The following COL28A1 variants were observed in gnomAD, a reference collection of about 807,000 sequenced individuals.
The protein encoded by COL28A1 is collagen alpha-1(XXVIII) chain.
Under a neutral mutation model 150.2 loss-of-function variants are expected in COL28A1, and 161 were observed. The observed-to-expected ratio is 1.07, with a 90% CI of 0.94 to 1.22. The LOEUF (loss-of-function observed/expected upper bound fraction) is 1.22. COL28A1 is among the 50% of genes most tolerant of loss of function. The probability of loss-of-function intolerance (pLI) is 0.00; values close to 1 mark genes in which losing one functional copy is unlikely to be tolerated. For synonymous variants in COL28A1, 552 were observed against 469.7 expected (o/e 1.18, Z -2.26); for missense variants, 1,617 against 1,388.3 (o/e 1.16, Z -2.62).
At chr7:7,447,122 C>A (rs559411565) in intron 18 of COL28A1, among the ~76,000 whole-genome samples, 2 of 152,220 alleles carry the variant, frequency 1.3e-5, no homozygotes, top group Admixed American at 1.3e-4. Flanking sequence ...AAAAAATTAA[C>A]CCTAGACTAA....
chr7:7,511,239 A>G (rs1781117829), intron 8 of COL28A1, 104 bp from the exon 9 acceptor site: 2 of 877,942 alleles, frequency 2.3e-6, no homozygotes. Context: ...CTCTTGTAAC[A>G]TAAGCACTCT....
intron 11 of COL28A1, among the ~76,000 whole-genome samples, chr7:7,491,080 T>G (rs957394334): frequency 1.1e-4 from 16 of 152,180 alleles, no homozygotes; most frequent in African/African-American, 3.9e-4. Flanking sequence ...AATCTTTAAG[T>G]GCTCTGGAAG....
At chr7:7,401,457 A>C (rs536763263) in intron 27 of COL28A1, among the ~76,000 whole-genome samples, 152 of 152,296 alleles carry the variant, frequency 1.0e-3, no homozygotes, top group Non-Finnish European at 1.9e-3. Context: ...GTACATGCCC[A>C]AGTCTGAATT....
chr7:7,519,294 A>C (rs775146977), intron 6 of COL28A1, among the ~76,000 whole-genome samples: 1 of 152,186 alleles, frequency 6.6e-6, no homozygotes, highest in African/African-American at 2.4e-5. Context: ...CAGCATGGGA[A>C]AGACCCGCCC....
At chr7:7,423,581 C>T (rs1007978097) in intron 25 of COL28A1, among the ~76,000 whole-genome samples, 2 of 151,546 alleles carry the variant, frequency 1.3e-5, no homozygotes, top group South Asian at 2.1e-4. Context: ...CATAGGGATA[C>T]GGAGAGAAGG....
At chr7:7,379,300 C>T (rs1781735230) in intron 30 of COL28A1, among the ~76,000 whole-genome samples, 1 of 152,178 alleles carries the variant, frequency 6.6e-6, no homozygotes, top group African/African-American at 2.4e-5. Flanking sequence ...TTCCTTCACT[C>T]TTCTCGTCTT....
chr7:7,401,438 G>C (rs1239767120), intron 27 of COL28A1, among the ~76,000 whole-genome samples: 1 of 152,040 alleles, frequency 6.6e-6, no homozygotes, highest in African/African-American at 2.4e-5. Context: ...TCCATTTAAA[G>C]ATTTAGCTGT....
Position 7,456,099 on chromosome 7 carries a change from G to C in COL28A1, c.1316C>G (p.Pro439Arg). The change falls in exon 16 of 35, where the codon CCT (proline) becomes CGT (arginine). Residue 439 changes from proline (P) to arginine (R), a missense_variant. By Grantham distance (103) the Pro-to-Arg change is moderately radical. Transcript: ENST00000399429. ...SIKGEKGDIGPVGPQGPMGIP... is the reference protein window; with the variant it reads ...SIKGEKGDIGRVGPQGPMGIP... ...ACCCATTGGTCCTTGGGGTCCCACA[G>C]GTCCTATATCCCCCTGCACAGAAAA... 1 of 1,613,610 alleles carries C rather than the reference G, an allele frequency of 6.2e-7. No individual in the cohort carries two copies. Among genetic ancestry groups the C allele is most frequent in the Non-Finnish European group, 8.5e-7 (1 of 1,179,790 alleles).
intron 33 of COL28A1, among the ~76,000 whole-genome samples, chr7:7,363,420 A>T (rs1562465922): frequency 6.6e-6 from 1 of 152,244 alleles, no homozygotes; most frequent in African/African-American, 2.4e-5. Flanking sequence ...TAACTTTAAT[A>T]AATGAAAATA....
At chr7:7,495,559 G>A (rs990743639) in intron 11 of COL28A1, among the ~76,000 whole-genome samples, 10 of 152,128 alleles carry the variant, frequency 6.6e-5, no homozygotes, top group African/African-American at 2.4e-4. Context: ...CCTCAGGGAA[G>A]GGCACCAGAA....
At chr7:7,360,311 ATC>A (rs1780577359) in intron 34 of COL28A1, 77 bp downstream of exon 34, 1 of 1,362,688 alleles carries the variant, frequency 7.3e-7, no homozygotes, top group Non-Finnish European at 9.7e-7. Context: ...AGATTGGCAG[ATC>A]TCTCTTTCCT....
chr7:7,370,403 A>G (rs993905733), intron 33 of COL28A1, among the ~76,000 whole-genome samples: 4 of 152,202 alleles, frequency 2.6e-5, no homozygotes, highest in Non-Finnish European at 5.9e-5. Flanking sequence ...CAGCATGGCA[A>G]CTAGGTGAAT....
chr7:7,519,598 C>T (rs564835027), intron 6 of COL28A1, among the ~76,000 whole-genome samples: 1 of 152,060 alleles, frequency 6.6e-6, no homozygotes, highest in African/African-American at 2.4e-5. Context: ...TTGATAGGTA[C>T]ACAGAGAAAA....
At chr7:7,410,643 T>C (rs945253694) in intron 27 of COL28A1, among the ~76,000 whole-genome samples, 6 of 129,744 alleles carry the variant, frequency 4.6e-5, no homozygotes, top group African/African-American at 1.8e-4. Flanking sequence ...TTTGTCTTCC[T>C]TTTTTTTTTT....
chr7:7,492,351 A>C (rs1218910080), intron 11 of COL28A1, among the ~76,000 whole-genome samples: 1 of 151,724 alleles, frequency 6.6e-6, no homozygotes, highest in Non-Finnish European at 1.5e-5. Flanking sequence ...AGGCAGGTGA[A>C]TCACTTGAGG....
chr7:7,479,042 G>A (rs1199981641), intron 13 of COL28A1, among the ~76,000 whole-genome samples: 1 of 152,230 alleles, frequency 6.6e-6, no homozygotes, highest in Non-Finnish European at 1.5e-5. Context: ...TGGGCACCGA[G>A]GCTGAGGAGG....
At position 7,531,807 on chromosome 7, in the gene COL28A1, C is replaced by G. The variant is rs1193913575; in HGVS notation, c.222G>C (p.Leu74Phe). 6.2e-7 allele frequency: 1 copy of G among 1,603,044 alleles called. No individual in the cohort carries two copies. The highest frequency in any genetic ancestry group is 8.5e-7 in the Non-Finnish European group (1 of 1,170,000). Residue 74 changes from leucine to phenylalanine, a missense_variant, in exon 3 of 35, where the codon TTG becomes TTC. Transcript: ENST00000399429. ...FDKQKDFVDS[L>F]SDKIFQLTPG... ...GAGTCAATTGGAAAATCTTGTCACT[C>G]AAGCTATCCACAAAATCTTTCTGTT... is the stretch of plus-strand genomic sequence containing the variant.
At chr7:7,466,414 T>A (rs1428302979) in intron 15 of COL28A1, among the ~76,000 whole-genome samples, 13 of 135,904 alleles carry the variant, frequency 9.6e-5, no homozygotes, top group Non-Finnish European at 1.7e-4. Flanking sequence ...GAAAAAAGAA[T>A]AAAAAGAAAT....
intron 9 of COL28A1, 50 bp downstream of exon 9, chr7:7,511,041 C>A: frequency 6.6e-7 from 1 of 1,507,444 alleles, no homozygotes; most frequent in Non-Finnish European, 9.2e-7. Flanking sequence ...TAAGGAAACG[C>A]AACCCAAAAG....
Sources: gnomAD v4.1 joint callset for allele counts (sites outside exome capture counted in the v4.1 genomes callset) on GRCh38, gnomAD v4.1.1 for gene constraint, MANE v1.5 for transcripts, NCBI Gene and HGNC (gene_info 2026-07-23, HGNC 2026-07-21) for gene names.